The following FOXJ3 variants were observed in gnomAD, a reference collection of about 807,000 sequenced individuals.
The protein encoded by FOXJ3 is forkhead box protein J3.
Under a neutral mutation model 76.1 loss-of-function variants are expected in FOXJ3, and 22 were observed. That is an observed-to-expected ratio of 0.29 (90% CI 0.21 to 0.41). FOXJ3 has a LOEUF of 0.41. Among genes scored for constraint, FOXJ3 ranks in the 10% least tolerant of loss-of-function variants. The probability of loss-of-function intolerance (pLI) is 1.00; values close to 1 mark genes in which losing one functional copy is unlikely to be tolerated. For missense variants in FOXJ3, 613 were observed against 762.1 expected (o/e 0.80, Z 2.30); for synonymous variants, 269 against 261.2 (o/e 1.03, Z -0.29).
At chr1:42,234,858 A>G (rs1283409286) in intron 4 of FOXJ3, among the ~76,000 whole-genome samples, 2 of 152,128 alleles carry the variant, frequency 1.3e-5, no homozygotes, top group Non-Finnish European at 2.9e-5. Flanking sequence ...GTTAGGCTAC[A>G]ATTGAGGAGG....
At position 42,225,581 on chromosome 1, in the gene FOXJ3, AG is replaced by A. The variant is rs547696408; in HGVS notation, c.528+2301del. On this transcript the variant is annotated intron_variant, in intron 5 of 12. Coordinates refer to ENST00000361346, the MANE Select transcript of FOXJ3 (RefSeq NM_014947.5). ...AGCTAATCTCTTTGTATGCTCCTAC[AG>A]GGGCAACCAATATCCAGCTTAGGCC... 1.0e-3 allele frequency among the ~76,000 whole-genome samples: 153 copies of A among 152,334 alleles called. 1 individual carries two copies. The highest frequency in any genetic ancestry group is 4.8e-3 in the South Asian group (23 of 4,830).
chr1:42,297,160 T>C (rs1653841137), intron 2 of FOXJ3, among the ~76,000 whole-genome samples: 1 of 152,200 alleles, frequency 6.6e-6, no homozygotes, highest in East Asian at 1.9e-4. Context: ...ATTGATTTTG[T>C]ATCCTGAAAC....
intron 4 of FOXJ3, among the ~76,000 whole-genome samples, chr1:42,230,331 T>C (rs1049841976): frequency 6.6e-6 from 1 of 151,960 alleles, no homozygotes; most frequent in African/African-American, 2.4e-5. Context: ...ATGTCTATGA[T>C]CAAAAAAAAC....
At chr1:42,204,988 G>C (rs1646833643) in intron 6 of FOXJ3, among the ~76,000 whole-genome samples, 1 of 152,016 alleles carries the variant, frequency 6.6e-6, no homozygotes, top group Non-Finnish European at 1.5e-5. Flanking sequence ...ATGAGAGAGA[G>C]GGAGAGAAAA....
At chr1:42,285,007 T>C (rs1652959559) in intron 2 of FOXJ3, among the ~76,000 whole-genome samples, 2 of 152,244 alleles carry the variant, frequency 1.3e-5, no homozygotes. Flanking sequence ...ATGTGTTATT[T>C]TAAAAGTATA....
chr1:42,183,330 G>C (rs1646366701), intron 11 of FOXJ3, among the ~76,000 whole-genome samples: 1 of 49,752 alleles, frequency 2.0e-5, no homozygotes, highest in Non-Finnish European at 4.0e-5. Context: ...GGGGAGGGGA[G>C]GGGAGGGGAG....
intron 5 of FOXJ3, among the ~76,000 whole-genome samples, chr1:42,221,770 G>A (rs1398996540): frequency 6.6e-6 from 1 of 150,508 alleles, no homozygotes; most frequent in African/African-American, 2.5e-5. Flanking sequence ...AGTTTCCTTG[G>A]AATAGTTTAA....
intron 11 of FOXJ3, among the ~76,000 whole-genome samples, chr1:42,187,138 A>G (rs1157614034): frequency 6.6e-6 from 1 of 152,210 alleles, no homozygotes; most frequent in East Asian, 1.9e-4. Context: ...ATGAGCCACC[A>G]TGCCTGGCCG....
Position 42,222,005 on chromosome 1 carries a change from AG to A in FOXJ3, c.528+5877del, listed in dbSNP as rs1557648995. Among the ~76,000 whole-genome samples the A allele has an allele frequency of 4.4e-3, 20 of 4,586 alleles. 2 individuals are homozygous for A. The highest frequency in any genetic ancestry group is 7.8e-3 in the Non-Finnish European group (14 of 1,794). The allele number at this position is 4,586 out of a possible 152,430, so 3.0% of individuals were successfully genotyped here. On this transcript the variant is annotated intron_variant, in intron 5 of 12. Transcript: ENST00000361346. ...GGGGAGGGGGAGGGGGAGGGGGAGG[AG>A]GAGGAGAAGGAGAAGGGGGAGGGGG... is the stretch of plus-strand genomic sequence containing the variant.
chr1:42,276,243 C>A (rs2124665919), intron 3 of FOXJ3, among the ~76,000 whole-genome samples: 1 of 152,030 alleles, frequency 6.6e-6, no homozygotes, highest in East Asian at 1.9e-4. Flanking sequence ...GTAATCCCAG[C>A]TACTCGAGAG....
chr1:42,186,460 G>A lies in FOXJ3; in HGVS notation c.1645+2277C>T, dbSNP rs576028785. On this transcript the variant is annotated intron_variant, in intron 11 of 12. Transcript: ENST00000361346. ...CTACCTTTGATAGGCTGTGACTAGG[G>A]TAGCACTGAGAATCACGAAGGTGTC... is the stretch of plus-strand genomic sequence containing the variant. Among the ~76,000 whole-genome samples the A allele has an allele frequency of 5.3e-5, 8 of 152,226 alleles. No individual in the cohort carries two copies. The South Asian group carries it at 1.7e-3, about 32-fold the overall frequency.
chr1:42,284,553 G>A (rs915367042), intron 2 of FOXJ3, among the ~76,000 whole-genome samples: 7 of 152,190 alleles, frequency 4.6e-5, no homozygotes, highest in African/African-American at 1.2e-4. Context: ...AGTCTTTCTT[G>A]CAAGGCTGAA....
At chr1:42,291,667 G>A (rs1653445395) in intron 2 of FOXJ3, among the ~76,000 whole-genome samples, 1 of 151,898 alleles carries the variant, frequency 6.6e-6, no homozygotes, top group African/African-American at 2.4e-5. Context: ...TTTTGTTTTT[G>A]TTTTTGTTTC....
chr1:42,305,693 C>A (rs965275962), intron 2 of FOXJ3, among the ~76,000 whole-genome samples: 2 of 152,062 alleles, frequency 1.3e-5, no homozygotes, highest in African/African-American at 2.4e-5. Flanking sequence ...GTAGAAGGAT[C>A]GTTGGTTACC....
chr1:42,321,721 G>A (rs181464304), intron 1 of FOXJ3, among the ~76,000 whole-genome samples: 7 of 152,080 alleles, frequency 4.6e-5, no homozygotes, highest in Admixed American at 2.0e-4. Flanking sequence ...AGATTTTTGC[G>A]CCACTTTGGA....
intron 10 of FOXJ3, 143 bp downstream of exon 10, chr1:42,189,160 G>A: frequency 1.5e-6 from 1 of 679,426 alleles, no homozygotes; most frequent in Non-Finnish European, 2.4e-6. Flanking sequence ...ATACCAAGTG[G>A]CCAAAATTAT....
At chr1:42,335,418 G>C (rs553155525), upstream of FOXJ3, 1 of 152,328 alleles carries the variant, frequency 6.6e-6, no homozygotes, top group African/African-American at 2.4e-5. Context: ...GGCGCAGCCG[G>C]TGTCATCTAG....
At chr1:42,274,948 T>C (rs571688441) in intron 3 of FOXJ3, among the ~76,000 whole-genome samples, 2 of 148,744 alleles carry the variant, frequency 1.3e-5, no homozygotes, top group East Asian at 2.0e-4. Context: ...AAGAAGGAAA[T>C]AGATGTGCTT....
chr1:42,192,004 G>C (rs1477455116), intron 8 of FOXJ3, among the ~76,000 whole-genome samples: 2 of 152,158 alleles, frequency 1.3e-5, no homozygotes, highest in Non-Finnish European at 2.9e-5. Context: ...TGTCTGTTCA[G>C]CTAGGAGAAG....
Sources: gnomAD v4.1 joint callset for allele counts (sites outside exome capture counted in the v4.1 genomes callset) on GRCh38, gnomAD v4.1.1 for gene constraint, MANE v1.5 for transcripts, NCBI Gene and HGNC (gene_info 2026-07-23, HGNC 2026-07-21) for gene names.